NLGN1: variants seen among roughly 807,000 people sequenced by gnomAD.
NLGN1 encodes the protein neuroligin 1.
NLGN1 carries 12 observed loss-of-function variants against 65.5 expected under a neutral mutation model. The observed-to-expected ratio is 0.18, with a 90% confidence interval of 0.12 to 0.30. The LOEUF is 0.30. Ranked by LOEUF, NLGN1 falls within the 10% of genes least tolerant of loss-of-function variation. NLGN1 has a pLI of 1.00. For synonymous variants in NLGN1, 350 were observed against 359.5 expected (o/e 0.97, Z 0.30); for missense variants, 750 against 1,007.1 (o/e 0.74, Z 3.46).
At chr3:173,643,489 C>T (rs1757730702) in intron 3 of NLGN1, among the ~76,000 whole-genome samples, 1 of 151,972 alleles carries the variant, frequency 6.6e-6, no homozygotes, top group East Asian at 1.9e-4. Flanking sequence ...TAATCAGAAA[C>T]AATGTAAGTG....
chr3:173,857,637 C>CT (rs1728258583), intron 4 of NLGN1, among the ~76,000 whole-genome samples: 1 of 151,942 alleles, frequency 6.6e-6, no homozygotes, highest in Non-Finnish European at 1.5e-5. Flanking sequence ...GAAAAGAGGG[C>CT]TAGAAGAAGG....
At chr3:173,760,869 T>C (rs942658742) in intron 3 of NLGN1, among the ~76,000 whole-genome samples, 2 of 151,992 alleles carry the variant, frequency 1.3e-5, no homozygotes, top group African/African-American at 4.8e-5. Flanking sequence ...ACACAGCAAC[T>C]AAAATTTCTA....
intron 4 of NLGN1, among the ~76,000 whole-genome samples, chr3:173,973,089 T>C (rs574392160): frequency 6.6e-6 from 1 of 152,280 alleles, no homozygotes; most frequent in East Asian, 1.9e-4. Context: ...AAAATGAGGA[T>C]AACTAGCAAT....
intron 3 of NLGN1, among the ~76,000 whole-genome samples, chr3:173,749,569 G>T (rs1387818150): frequency 6.6e-6 from 1 of 151,904 alleles, no homozygotes; most frequent in Non-Finnish European, 1.5e-5. Context: ...TAACTAGAAA[G>T]ACTCCCCTTC....
chr3:174,153,011 C>T (rs1192272067), intron 4 of NLGN1, among the ~76,000 whole-genome samples: 6 of 152,116 alleles, frequency 3.9e-5, no homozygotes, highest in African/African-American at 1.4e-4. Flanking sequence ...TAGCCCTTGC[C>T]TACCTTTCTG....
In NLGN1 at chr3:173,681,111, C is replaced by T. The variant is rs1763887651; in HGVS notation, c.493+76020C>T. The stretch of plus-strand genomic sequence containing the variant: ...GCATGATGATTGGACTGACTGTTAA[C>T]TTTGTATAGATTGAGTCTACTCTCT... On this transcript the variant is annotated intron_variant, in intron 3 of 6. Coordinates refer to ENST00000457714, the Ensembl canonical transcript of NLGN1. 1.3e-5 allele frequency among the ~76,000 whole-genome samples: 2 copies of T among 152,152 alleles called. 1 individual carries two copies. Among genetic ancestry groups the T allele is most frequent in the South Asian group, 4.1e-4 (2 of 4,828 alleles).
At chr3:173,416,402 A>T (rs761671578) in intron 1 of NLGN1, among the ~76,000 whole-genome samples, 2 of 152,188 alleles carry the variant, frequency 1.3e-5, no homozygotes, top group African/African-American at 2.4e-5. Context: ...TTTGGTGATA[A>T]CTCAGCTTTC....
intron 4 of NLGN1, among the ~76,000 whole-genome samples, chr3:173,947,887 T>G (rs13067869): frequency 0.058 from 8,814 of 152,272 alleles, 356 homozygotes; most frequent in East Asian, 0.15. Context: ...TAGAGGGACT[T>G]TATTTGATAA....
At chr3:173,665,704 A>G (rs908429761) in intron 3 of NLGN1, among the ~76,000 whole-genome samples, 1 of 152,154 alleles carries the variant, frequency 6.6e-6, no homozygotes, top group African/African-American at 2.4e-5. Flanking sequence ...AGTTAAAAAG[A>G]TATGTATTTC....
intron 4 of NLGN1, among the ~76,000 whole-genome samples, chr3:173,835,581 A>ACACACACACAC (rs1723481137): frequency 7.7e-5 from 1 of 12,934 alleles, no homozygotes; most frequent in Non-Finnish European, 2.1e-4. Context: ...TCAAACACAT[A>ACACACACACAC]CACACACACA....
At chr3:173,915,720 A>C (rs926723689) in intron 4 of NLGN1, among the ~76,000 whole-genome samples, 10 of 152,186 alleles carry the variant, frequency 6.6e-5, no homozygotes, top group African/African-American at 2.2e-4. Flanking sequence ...TTAGAGGCTC[A>C]CATTCTATAA....
chr3:174,036,824 A>G (rs1731237240), intron 4 of NLGN1, among the ~76,000 whole-genome samples: 1 of 151,978 alleles, frequency 6.6e-6, no homozygotes, highest in Non-Finnish European at 1.5e-5. Flanking sequence ...CCCATCATTT[A>G]GCCCACTTAT....
chr3:173,673,279 C>T (rs955923652), intron 3 of NLGN1, among the ~76,000 whole-genome samples: 15 of 152,136 alleles, frequency 9.9e-5, no homozygotes, highest in African/African-American at 2.9e-4. Context: ...TAAGTAGCTA[C>T]TAGTGCTAGT....
At chr3:174,243,856 A>G (rs1743325991) in intron 4 of NLGN1, among the ~76,000 whole-genome samples, 1 of 152,214 alleles carries the variant, frequency 6.6e-6, no homozygotes, top group Admixed American at 6.5e-5. Context: ...GCCTCATGCT[A>G]CAGAGAACAC....
chr3:173,791,749 T>C (rs1454702708), intron 3 of NLGN1, among the ~76,000 whole-genome samples: 3 of 152,104 alleles, frequency 2.0e-5, no homozygotes, highest in Admixed American at 6.6e-5. Context: ...ATGTGACTTA[T>C]TGTATAGGAG....
At chr3:174,033,588 C>T (rs564150233) in intron 4 of NLGN1, among the ~76,000 whole-genome samples, 1 of 151,984 alleles carries the variant, frequency 6.6e-6, no homozygotes, top group South Asian at 2.1e-4. Flanking sequence ...AAACAGGTAA[C>T]ATAAGCAGAG....
chr3:174,232,176 C>G (rs1740828256), intron 4 of NLGN1, among the ~76,000 whole-genome samples: 1 of 151,786 alleles, frequency 6.6e-6, no homozygotes, highest in African/African-American at 2.4e-5. Context: ...TTTGGGTAGG[C>G]AAAGGAAAAT....
intron 4 of NLGN1, among the ~76,000 whole-genome samples, chr3:173,850,519 G>A (rs1474154219): frequency 6.6e-6 from 1 of 152,054 alleles, no homozygotes; most frequent in African/African-American, 2.4e-5. Context: ...TTTGGGGAGG[G>A]TAGTATTTTA....
intron 1 of NLGN1, among the ~76,000 whole-genome samples, chr3:173,412,726 A>G (rs1712840776): frequency 6.6e-6 from 1 of 152,156 alleles, no homozygotes; most frequent in Non-Finnish European, 1.5e-5. Context: ...AACAACCACA[A>G]AAAAAGCCGT....
Sources: gnomAD v4.1 joint callset for allele counts (sites outside exome capture counted in the v4.1 genomes callset) on GRCh38, gnomAD v4.1.1 for gene constraint, MANE v1.5 for transcripts, NCBI Gene and HGNC (gene_info 2026-07-23, HGNC 2026-07-21) for gene names.